Variants in SPMIP2 observed in about 807,000 individuals in gnomAD.
SPMIP2 encodes the protein protein SPMIP2.
At chr4:159,033,159 C>G in the SPMIP2 span, among the ~76,000 whole-genome samples, 3 of 151,956 alleles carry the variant, frequency 2.0e-5, no homozygotes, top group South Asian at 2.1e-4. Flanking sequence ...TGTGGAGAAG[C>G]CTTAAAATGA....
chr4:159,017,394 C>A, the SPMIP2 span, among the ~76,000 whole-genome samples: 1 of 146,808 alleles, frequency 6.8e-6, no homozygotes, highest in Admixed American at 6.8e-5. Context: ...CCTTAGACTG[C>A]AAACTTCTCA....
chr4:159,052,460 A>C, the SPMIP2 span, among the ~76,000 whole-genome samples: 83 of 152,228 alleles, frequency 5.5e-4, 1 homozygote, highest in East Asian at 3.9e-4. Flanking sequence ...CAGATGCCAC[A>C]AACTCTGCAA....
the SPMIP2 span, among the ~76,000 whole-genome samples, chr4:159,082,453 G>GTGTGTGTA: frequency 7.0e-6 from 1 of 142,314 alleles, no homozygotes; most frequent in African/African-American, 2.6e-5. Flanking sequence ...TTTTCTCTGT[G>GTGTGTGTA]TGTGTGTGTG....
At chr4:158,932,299 C>T in the SPMIP2 span, among the ~76,000 whole-genome samples, 1 of 152,100 alleles carries the variant, frequency 6.6e-6, no homozygotes, top group Non-Finnish European at 1.5e-5. Flanking sequence ...AACCCCATCT[C>T]TATGAAAAAT....
chr4:158,983,635 C>A, the SPMIP2 span, among the ~76,000 whole-genome samples: 1 of 59,206 alleles, frequency 1.7e-5, no homozygotes. Context: ...AAAAGAGCTC[C>A]TGAAGAAAGC....
the SPMIP2 span, among the ~76,000 whole-genome samples, chr4:158,929,025 C>T: frequency 6.6e-6 from 1 of 152,190 alleles, no homozygotes; most frequent in Non-Finnish European, 1.5e-5. Flanking sequence ...GCGTCCGTGG[C>T]TTCATTCTTG....
chr4:159,015,191 T>TA, the SPMIP2 span, among the ~76,000 whole-genome samples: 2 of 152,216 alleles, frequency 1.3e-5, no homozygotes, highest in Non-Finnish European at 2.9e-5. Flanking sequence ...CTTCCTTGGC[T>TA]AATATACAAA....
the SPMIP2 span, among the ~76,000 whole-genome samples, chr4:158,935,967 C>G: frequency 6.6e-6 from 1 of 152,200 alleles, no homozygotes; most frequent in South Asian, 2.1e-4. Flanking sequence ...GCATCCATGT[C>G]AGCCATTTTG....
At chr4:159,056,892 T>A in the SPMIP2 span, among the ~76,000 whole-genome samples, 1 of 152,214 alleles carries the variant, frequency 6.6e-6, no homozygotes, top group Non-Finnish European at 1.5e-5. Context: ...CTTCTTCAAA[T>A]GAATTCTCAT....
At chr4:159,050,673 T>C in the SPMIP2 span, among the ~76,000 whole-genome samples, 480 of 151,758 alleles carry the variant, frequency 3.2e-3, 2 homozygotes, top group African/African-American at 0.011. Flanking sequence ...TGTGTGCCTG[T>C]AGTCACAAGC....
At chr4:159,063,248 C>T in the SPMIP2 span, among the ~76,000 whole-genome samples, 1 of 152,148 alleles carries the variant, frequency 6.6e-6, no homozygotes, top group Non-Finnish European at 1.5e-5. Flanking sequence ...TTATTTAGCT[C>T]ACTGTGTTCT....
chr4:159,078,233 A>G, the SPMIP2 span, among the ~76,000 whole-genome samples: 1 of 152,238 alleles, frequency 6.6e-6, no homozygotes, highest in East Asian at 1.9e-4. Context: ...CTGTGCAGTC[A>G]TGAGCACCAA....
chr4:158,914,269 C>T, the SPMIP2 span, among the ~76,000 whole-genome samples: 2 of 152,170 alleles, frequency 1.3e-5, no homozygotes, highest in Non-Finnish European at 2.9e-5. Context: ...TCGAACTGTT[C>T]CCTTTTTCAA....
At chr4:158,991,705 T>C in the SPMIP2 span, among the ~76,000 whole-genome samples, 1 of 152,218 alleles carries the variant, frequency 6.6e-6, no homozygotes, top group Non-Finnish European at 1.5e-5. Flanking sequence ...TGTCAGAGCA[T>C]GAAAACCTGT....
At chr4:158,966,294 C>A in the SPMIP2 span, among the ~76,000 whole-genome samples, 1 of 152,134 alleles carries the variant, frequency 6.6e-6, no homozygotes, top group Non-Finnish European at 1.5e-5. Flanking sequence ...AGCTGAGATA[C>A]CCTGGGAGTG....
At chr4:158,968,533 G>C in the SPMIP2 span, among the ~76,000 whole-genome samples, 1 of 152,156 alleles carries the variant, frequency 6.6e-6, no homozygotes, top group African/African-American at 2.4e-5. Context: ...CCAATCTAAT[G>C]TTCTGATCTC....
the SPMIP2 span, among the ~76,000 whole-genome samples, chr4:159,025,648 G>A: frequency 6.6e-6 from 1 of 151,988 alleles, no homozygotes. Context: ...ATTTTAAGAT[G>A]GTTTTGTGTC....
the SPMIP2 span, among the ~76,000 whole-genome samples, chr4:158,932,399 G>A: frequency 6.6e-6 from 1 of 152,142 alleles, no homozygotes; most frequent in Non-Finnish European, 1.5e-5. Context: ...AACCCAGGAG[G>A]CAGAGGTTGC....
the SPMIP2 span, among the ~76,000 whole-genome samples, chr4:158,946,039 T>G: frequency 6.6e-6 from 1 of 152,206 alleles, no homozygotes; most frequent in East Asian, 1.9e-4. Context: ...TCCAAAATGC[T>G]AAGAAATTAT....
Sources: allele counts gnomAD v4.1 joint callset (sites outside exome capture counted in the v4.1 genomes callset), GRCh38; gene constraint gnomAD v4.1.1; transcripts MANE v1.5; gene names NCBI Gene and HGNC (gene_info 2026-07-23, HGNC 2026-07-21).